Variants in AGMO observed in about 807,000 individuals in gnomAD.
The protein encoded by AGMO is alkylglycerol monooxygenase.
Under a neutral mutation model 60.2 loss-of-function variants are expected in AGMO, and 75 were observed. The ratio of observed to expected loss-of-function variants is 1.25; its 90% CI spans 1.03 to 1.51. The LOEUF (loss-of-function observed/expected upper bound fraction) is 1.51, where lower values mean the gene tolerates loss of function less well. Among genes scored for constraint, AGMO ranks in the 40% most tolerant of loss-of-function variants. The pLI is 0.00. For synonymous variants in AGMO, 261 were observed against 177.1 expected, an observed-to-expected ratio of 1.47 and a Z score of -3.76; for missense variants, 763 against 525.5, an observed-to-expected ratio of 1.45 and a Z score of -4.42.
chr7:15,486,921 GCAATAATGTCTTTCTTTGGCTGT>G (rs1782938312), intron 3 of AGMO, among the ~76,000 whole-genome samples: 2 of 152,152 alleles, frequency 1.3e-5, no homozygotes, highest in South Asian at 4.1e-4. Context: ...AACCACTAAG[GCAATAATGTCTTTCTTTGGCTGT>G]CCCATTTCCT....
chr7:15,334,809 C>A (rs1306872316), intron 12 of AGMO, among the ~76,000 whole-genome samples: 1 of 152,142 alleles, frequency 6.6e-6, no homozygotes, highest in East Asian at 1.9e-4. Context: ...TTACAACATA[C>A]CCATGGCGTG....
chr7:15,311,366 G>T (rs1168107673), intron 12 of AGMO, among the ~76,000 whole-genome samples: 1 of 152,014 alleles, frequency 6.6e-6, no homozygotes, highest in Non-Finnish European at 1.5e-5. Context: ...AAACATGCCA[G>T]GTTGGGAATC....
intron 10 of AGMO, among the ~76,000 whole-genome samples, chr7:15,383,341 A>G (rs936479321): frequency 1.3e-5 from 2 of 152,102 alleles, no homozygotes; most frequent in African/African-American, 4.8e-5. Flanking sequence ...GCACTGTCTA[A>G]AGAAGCAATA....
intron 5 of AGMO, among the ~76,000 whole-genome samples, chr7:15,408,534 G>A (rs1035868699): frequency 2.0e-5 from 3 of 151,804 alleles, no homozygotes; most frequent in Non-Finnish European, 1.5e-5. Flanking sequence ...TATAATGACT[G>A]TTTTAAGAGT....
chr7:15,246,842 T>A (rs1426082162), intron 12 of AGMO, among the ~76,000 whole-genome samples: 1 of 152,138 alleles, frequency 6.6e-6, no homozygotes, highest in Non-Finnish European at 1.5e-5. Context: ...GCATATTCTA[T>A]AGTTAAATTC....
At chr7:15,142,817 T>G in the AGMO span, among the ~76,000 whole-genome samples, 1 of 152,202 alleles carries the variant, frequency 6.6e-6, no homozygotes, top group Admixed American at 6.5e-5. Flanking sequence ...TCATTTCTGC[T>G]AATATATACT....
chr7:15,261,784 T>A lies in AGMO; in HGVS notation c.1264-60425A>T, dbSNP rs962934132. On this transcript the variant is annotated intron_variant, in intron 12 of 12. Coordinates refer to ENST00000342526, the MANE Select transcript of AGMO (RefSeq NM_001004320.2). ...ACTGGTGAATGGAATCCAATGACAT[T>A]CCAAAAAGATAATCCACCATGATCA... 3.3e-5 allele frequency among the ~76,000 whole-genome samples: 5 copies of A among 151,554 alleles called. No individual in the cohort carries two copies. The South Asian group carries it at 1.0e-3, about 31-fold the overall frequency.
chr7:15,145,107 C>G, the AGMO span, among the ~76,000 whole-genome samples: 666 of 152,304 alleles, frequency 4.4e-3, 5 homozygotes, highest in African/African-American at 0.015. Flanking sequence ...GGATTACAGG[C>G]GTGAGCCGCT....
chr7:15,417,642 G>T (rs1245196182), intron 5 of AGMO, among the ~76,000 whole-genome samples: 1 of 152,162 alleles, frequency 6.6e-6, no homozygotes, highest in Non-Finnish European at 1.5e-5. Flanking sequence ...TTTCATGATA[G>T]ATCTTCAAAT....
chr7:15,269,157 C>T (rs1783521572), intron 12 of AGMO, among the ~76,000 whole-genome samples: 1 of 152,018 alleles, frequency 6.6e-6, no homozygotes, highest in African/African-American at 2.4e-5. Context: ...AGTGGTTGTA[C>T]TCCAATAAAA....
At chr7:15,354,524 A>ACACG (rs1782444189) in intron 12 of AGMO, among the ~76,000 whole-genome samples, 1 of 109,236 alleles carries the variant, frequency 9.2e-6, no homozygotes, top group Admixed American at 9.0e-5. Context: ...ATATATATAT[A>ACACG]TATATATATA....
chr7:15,184,509 G>A, the AGMO span, among the ~76,000 whole-genome samples: 1 of 131,370 alleles, frequency 7.6e-6, no homozygotes, highest in Non-Finnish European at 1.6e-5. Context: ...AGGAATAGAA[G>A]GAAGGAAGGG....
At chr7:15,402,628 T>C (rs1328763380) in intron 5 of AGMO, among the ~76,000 whole-genome samples, 1 of 143,956 alleles carries the variant, frequency 6.9e-6, no homozygotes, top group Non-Finnish European at 1.5e-5. Context: ...ATATTAAATA[T>C]ATTAAATATA....
chr7:15,118,705 C>A, the AGMO span, among the ~76,000 whole-genome samples: 7 of 151,938 alleles, frequency 4.6e-5, no homozygotes, highest in African/African-American at 1.7e-4. Context: ...AAAGGAAGCT[C>A]AGCTCAATAT....
At chr7:15,390,114 G>A (rs982328988) in intron 8 of AGMO, among the ~76,000 whole-genome samples, 1 of 152,016 alleles carries the variant, frequency 6.6e-6, no homozygotes, top group African/African-American at 2.4e-5. Flanking sequence ...AGACATTCCT[G>A]ATTTCTCTAG....
chr7:15,395,365 C>T (rs1239726669), intron 5 of AGMO, among the ~76,000 whole-genome samples: 1 of 152,020 alleles, frequency 6.6e-6, no homozygotes, highest in South Asian at 2.1e-4. Context: ...ATTTAAGATG[C>T]ATAACTAAAT....
chr7:15,228,451 A>G (rs1782154388), intron 12 of AGMO, among the ~76,000 whole-genome samples: 2 of 152,100 alleles, frequency 1.3e-5, no homozygotes, highest in Admixed American at 6.6e-5. Flanking sequence ...ATGGAAGGAG[A>G]AGTAAGGGAA....
intron 10 of AGMO, among the ~76,000 whole-genome samples, chr7:15,383,933 TA>T (rs1783802227): frequency 6.6e-6 from 1 of 152,172 alleles, no homozygotes; most frequent in East Asian, 1.9e-4. Context: ...TTAGTCCATC[TA>T]TTTTTTTTTT....
At chr7:15,505,954 T>C (rs1783502852) in intron 3 of AGMO, among the ~76,000 whole-genome samples, 1 of 152,026 alleles carries the variant, frequency 6.6e-6, no homozygotes, top group South Asian at 2.1e-4. Flanking sequence ...ACCTACATAA[T>C]TGGCAATTTG....
Sources: gnomAD v4.1 joint callset for allele counts (sites outside exome capture counted in the v4.1 genomes callset) on GRCh38, gnomAD v4.1.1 for gene constraint, MANE v1.5 for transcripts, NCBI Gene and HGNC (gene_info 2026-07-23, HGNC 2026-07-21) for gene names.